TPD52L1: variants seen among roughly 807,000 people sequenced by gnomAD.
TPD52L1 encodes tumor protein D53.
In TPD52L1, 18 loss-of-function variants were observed where a neutral mutation model predicts 28.7. That is an observed-to-expected ratio of 0.63 (90% CI 0.43 to 0.93). The LOEUF (loss-of-function observed/expected upper bound fraction) is 0.93. Among genes scored for constraint, TPD52L1 ranks in the 40% least tolerant of loss-of-function variants. The pLI, the probability that TPD52L1 is intolerant of heterozygous loss-of-function variation, is 0.00. For synonymous variants in TPD52L1, 75 were observed against 88.8 expected, an observed-to-expected ratio of 0.84 and a Z score of 0.88; for missense variants, 203 against 254.8, an observed-to-expected ratio of 0.80 and a Z score of 1.39.
intron 4 of TPD52L1, 129 bp downstream of exon 4, chr6:125,248,512 C>A: frequency 1.5e-6 from 1 of 658,694 alleles, no homozygotes; most frequent in South Asian, 1.9e-5. Flanking sequence ...TGTTATATGG[C>A]TGATATGATT....
At chr6:125,176,290 T>G (rs1791818999) in intron 1 of TPD52L1, among the ~76,000 whole-genome samples, 1 of 152,246 alleles carries the variant, frequency 6.6e-6, no homozygotes, top group Admixed American at 6.5e-5. Context: ...CTTAAAAACA[T>G]TATTCTGCAT....
chr6:125,243,300 T>G (rs1796725970), intron 3 of TPD52L1, among the ~76,000 whole-genome samples: 1 of 152,172 alleles, frequency 6.6e-6, no homozygotes, highest in South Asian at 2.1e-4. Flanking sequence ...GATCTTTTTG[T>G]GAATAATTTC....
chr6:125,214,171 G>A (rs955530780), intron 1 of TPD52L1, among the ~76,000 whole-genome samples: 29 of 152,158 alleles, frequency 1.9e-4, no homozygotes, highest in African/African-American at 7.0e-4. Flanking sequence ...CTGCCCTCCA[G>A]TGTCCTGCAG....
rs189961711 is a variant in TPD52L1 at position 125,229,126 on chromosome 6, C to T, written c.144C>T (p.Asp48=). Residue 48 remains aspartate (D), a synonymous_variant, in exon 3 of 7, where the codon GAC becomes GAT. Transcript: ENST00000534000. ...ELKAELVQLE[D]EITTLRQVLS... ...TCCCCTCCGCCTTGTAGCTAGAAGA[C>T]GAAATTACAACACTACGACAAGTTT... is the stretch of plus-strand genomic sequence containing the variant. 127 of 1,610,716 alleles carry T rather than the reference C, an allele frequency of 7.9e-5. No homozygotes were observed. Among genetic ancestry groups the T allele is most frequent in the South Asian group, 2.0e-4 (18 of 90,458 alleles).
chr6:125,206,858 G>T (rs983823813), intron 1 of TPD52L1, among the ~76,000 whole-genome samples: 1 of 152,114 alleles, frequency 6.6e-6, no homozygotes, highest in Non-Finnish European at 1.5e-5. Context: ...TCAGTAGTGT[G>T]AGTATGTAGT....
intron 2 of TPD52L1, among the ~76,000 whole-genome samples, chr6:125,226,495 A>AAAT: frequency 6.6e-6 from 1 of 152,230 alleles, no homozygotes; most frequent in East Asian, 1.9e-4. Context: ...AATAATCCAC[A>AAAT]GCCCCTCGTG....
chr6:125,233,462 T>C (rs1796072790), intron 3 of TPD52L1, among the ~76,000 whole-genome samples: 1 of 152,196 alleles, frequency 6.6e-6, no homozygotes, highest in African/African-American at 2.4e-5. Flanking sequence ...TTTTAAAAGA[T>C]GTACACACCC....
At position 125,154,078 on chromosome 6, in the gene TPD52L1, T is replaced by A. The variant is rs1789951425; in HGVS notation, c.19+108T>A. ...CGGACAGAACAGATTGGTGCCGTGT[T>A]GCACATCCAGAACTCCACTCCCACC... On this transcript the variant is annotated intron_variant, in intron 1 of 6. Transcript: ENST00000534000. The A allele has an allele frequency of 2.0e-6, 3 of 1,465,398 alleles. No individual in the cohort carries two copies. In the South Asian group the frequency reaches 3.9e-5, roughly 19 times the overall value. 90.8% of individuals were successfully genotyped at this position (1,465,398 alleles called of 1,614,324 possible).
At chr6:125,219,777 C>T in intron 1 of TPD52L1, 1 of 395,678 alleles carries the variant, frequency 2.5e-6, no homozygotes, top group Non-Finnish European at 4.8e-6. Context: ...CCTCATGAGA[C>T]AGTGAAGAGC....
At chr6:125,228,405 G>A (rs1795746831) in intron 2 of TPD52L1, among the ~76,000 whole-genome samples, 1 of 152,132 alleles carries the variant, frequency 6.6e-6, no homozygotes, top group South Asian at 2.1e-4. Flanking sequence ...CTGTTAAAAA[G>A]AAAAATCAAC....
chr6:125,159,112 G>A (rs1790340172), intron 1 of TPD52L1, among the ~76,000 whole-genome samples: 2 of 152,308 alleles, frequency 1.3e-5, no homozygotes. Context: ...AAGACAACGA[G>A]GAAGTTTGTC....
At chr6:125,212,773 C>T (rs1794607458) in intron 1 of TPD52L1, among the ~76,000 whole-genome samples, 1 of 152,218 alleles carries the variant, frequency 6.6e-6, no homozygotes, top group Non-Finnish European at 1.5e-5. Context: ...AACATTGTGA[C>T]TTCTCAGTTG....
chr6:125,236,422 A>G (rs1255002932), intron 3 of TPD52L1, among the ~76,000 whole-genome samples: 1 of 152,212 alleles, frequency 6.6e-6, no homozygotes, highest in Admixed American at 6.5e-5. Context: ...CCTATTTTCA[A>G]TATATACTTC....
chr6:125,241,839 G>A (rs1488451826), intron 3 of TPD52L1, among the ~76,000 whole-genome samples: 3 of 147,952 alleles, frequency 2.0e-5, no homozygotes, highest in South Asian at 2.1e-4. Context: ...TCTGATCTTT[G>A]TTATTTTTTT....
chr6:125,203,723 A>G, intron 1 of TPD52L1: 5 of 985,342 alleles, frequency 5.1e-6, no homozygotes, highest in Non-Finnish European at 6.0e-6. Flanking sequence ...TTGAGAATCC[A>G]GTTGGCTCCC....
chr6:125,157,422 G>A (rs1427742336), intron 1 of TPD52L1, among the ~76,000 whole-genome samples: 1 of 152,212 alleles, frequency 6.6e-6, no homozygotes, highest in East Asian at 1.9e-4. Flanking sequence ...GACTCTCAGG[G>A]GAGGTGGTAG....
chr6:125,227,365 C>A (rs1795676320), intron 2 of TPD52L1, among the ~76,000 whole-genome samples: 1 of 152,174 alleles, frequency 6.6e-6, no homozygotes, highest in South Asian at 2.1e-4. Flanking sequence ...TTTGCTTTTG[C>A]AAAGGCAGAT....
chr6:125,162,093 C>T (rs1279280502), intron 1 of TPD52L1, among the ~76,000 whole-genome samples: 2 of 152,110 alleles, frequency 1.3e-5, no homozygotes, highest in Non-Finnish European at 1.5e-5. Flanking sequence ...TGGAAGCAAG[C>T]TGTTATATAT....
chr6:125,226,902 G>A (rs927466556), intron 2 of TPD52L1, among the ~76,000 whole-genome samples: 5 of 151,974 alleles, frequency 3.3e-5, no homozygotes, highest in Non-Finnish European at 5.9e-5. Flanking sequence ...AGAATAGAAG[G>A]GCTTAATTTT....
Sources: gnomAD v4.1 joint callset for allele counts (sites outside exome capture counted in the v4.1 genomes callset) on GRCh38, gnomAD v4.1.1 for gene constraint, MANE v1.5 for transcripts, NCBI Gene and HGNC (gene_info 2026-07-23, HGNC 2026-07-21) for gene names.